Variants in STK32A observed in about 807,000 individuals in gnomAD.
STK32A encodes the protein serine/threonine kinase 32A.
STK32A carries 41 observed loss-of-function variants against 53.2 expected under a neutral mutation model. That is an observed-to-expected ratio of 0.77 (90% CI 0.60 to 1.00). STK32A has a LOEUF of 1.00. Among genes scored for constraint, STK32A ranks in the 50% least tolerant of loss-of-function variants. STK32A has a pLI of 0.00. For missense variants in STK32A, 458 were observed against 485.8 expected, an observed-to-expected ratio of 0.94 and a Z score of 0.54; for synonymous variants, 166 against 162.8, an observed-to-expected ratio of 1.02 and a Z score of -0.15.
At chr5:147,314,077 C>T (rs1472862885) in intron 4 of STK32A, among the ~76,000 whole-genome samples, 1 of 151,978 alleles carries the variant, frequency 6.6e-6, no homozygotes, top group South Asian at 2.1e-4. Context: ...AAATTGGACA[C>T]CATCAAAATT....
chr5:147,333,731 G>A (rs1754984957), intron 5 of STK32A, among the ~76,000 whole-genome samples: 1 of 151,988 alleles, frequency 6.6e-6, no homozygotes, highest in Non-Finnish European at 1.5e-5. Context: ...AATAAGCTGT[G>A]GGAAAAACTT....
chr5:147,376,813 G>A (rs1463298374), intron 11 of STK32A, among the ~76,000 whole-genome samples: 2 of 152,038 alleles, frequency 1.3e-5, no homozygotes, highest in Non-Finnish European at 2.9e-5. Flanking sequence ...TGTCATTTCT[G>A]TTGTTGAATT....
intron 5 of STK32A, among the ~76,000 whole-genome samples, chr5:147,331,342 A>G (rs899412003): frequency 6.6e-6 from 1 of 152,184 alleles, no homozygotes; most frequent in Non-Finnish European, 1.5e-5. Flanking sequence ...ATAATCAACA[A>G]TTCTCTGAGG....
chr5:147,381,842 G>A (rs989906746), intron 11 of STK32A, among the ~76,000 whole-genome samples: 6 of 152,028 alleles, frequency 3.9e-5, no homozygotes, highest in Admixed American at 3.9e-4. Context: ...TTTGCTTGAT[G>A]GTGTTCCATA....
Position 147,239,695 on chromosome 5 carries a change from T to A in STK32A, c.52+9T>A, listed in dbSNP as rs1753484010. 2.5e-6 allele frequency: 4 copies of A among 1,598,884 alleles called. No homozygotes were observed. Among genetic ancestry groups the A allele is most frequent in the Non-Finnish European group, 3.4e-6 (4 of 1,170,928 alleles). On this transcript the variant is annotated intron_variant, in intron 2 of 12. Coordinates refer to ENST00000397936, the MANE Select transcript of STK32A (RefSeq NM_001112724.2). ...TGATGAAAATGAAGATGGTAAGAAA[T>A]ATGGGATAGTGGCATATAAAAAATA...
At chr5:147,300,617 C>T (rs1425141720) in intron 4 of STK32A, among the ~76,000 whole-genome samples, 2 of 152,158 alleles carry the variant, frequency 1.3e-5, no homozygotes, top group Non-Finnish European at 2.9e-5. Context: ...TGGTTAATTG[C>T]CCTTTTTGCC....
chr5:147,258,523 C>T (rs1472321332), intron 2 of STK32A, among the ~76,000 whole-genome samples: 2 of 147,444 alleles, frequency 1.4e-5, no homozygotes, highest in East Asian at 3.9e-4. Flanking sequence ...ACATAAATTC[C>T]CTTTTAAAAC....
chr5:147,291,931 T>C (rs1288754573), intron 4 of STK32A, among the ~76,000 whole-genome samples: 1 of 152,208 alleles, frequency 6.6e-6, no homozygotes, highest in East Asian at 1.9e-4. Flanking sequence ...ATTTTTAAGT[T>C]GGCTTTGCTG....
chr5:147,353,606 A>G (rs1756086654), intron 7 of STK32A, among the ~76,000 whole-genome samples: 1 of 152,080 alleles, frequency 6.6e-6, no homozygotes, highest in Non-Finnish European at 1.5e-5. Flanking sequence ...CTAAAAATAC[A>G]AAAATTAGCT....
intron 6 of STK32A, among the ~76,000 whole-genome samples, chr5:147,348,270 A>G (rs1455421048): frequency 2.6e-5 from 4 of 152,222 alleles, no homozygotes; most frequent in African/African-American, 9.7e-5. Context: ...TAAAAGGAAA[A>G]TACTCAACAT....
At chr5:147,255,863 A>G (rs940256857) in intron 2 of STK32A, among the ~76,000 whole-genome samples, 5 of 152,148 alleles carry the variant, frequency 3.3e-5, no homozygotes, top group Admixed American at 6.5e-5. Flanking sequence ...TCCTGCGGCT[A>G]TTTGATTTTG....
At chr5:147,381,687 G>T (rs1354344085) in intron 11 of STK32A, among the ~76,000 whole-genome samples, 1 of 151,800 alleles carries the variant, frequency 6.6e-6, no homozygotes, top group Non-Finnish European at 1.5e-5. Context: ...TGTCAATGTG[G>T]GTCTTTTTGA....
chr5:147,250,415 C>T (rs961465905), intron 2 of STK32A, among the ~76,000 whole-genome samples: 5 of 152,108 alleles, frequency 3.3e-5, no homozygotes, highest in Non-Finnish European at 5.9e-5. Flanking sequence ...AGAAACAAGG[C>T]AGTGGATAGC....
intron 2 of STK32A, among the ~76,000 whole-genome samples, chr5:147,254,203 A>G (rs1429598340): frequency 6.6e-6 from 1 of 152,176 alleles, no homozygotes; most frequent in East Asian, 1.9e-4. Flanking sequence ...AATAAATTTC[A>G]CAGTCTGACA....
chr5:147,373,439 C>A (rs1757093822), intron 10 of STK32A, 145 bp downstream of exon 10: 1 of 1,166,882 alleles, frequency 8.6e-7, no homozygotes, highest in Admixed American at 2.5e-5. Flanking sequence ...AGAATTGAGA[C>A]ATGCACAGGG....
intron 11 of STK32A, 26 bp downstream of exon 11, chr5:147,375,244 G>A: frequency 6.2e-7 from 1 of 1,605,558 alleles, no homozygotes; most frequent in Non-Finnish European, 8.5e-7. Context: ...CCAAACTCAG[G>A]GTCATGGGTA....
chr5:147,273,251 G>C (rs759207368), intron 2 of STK32A, among the ~76,000 whole-genome samples: 27 of 152,206 alleles, frequency 1.8e-4, no homozygotes, highest in Admixed American at 7.9e-4. Context: ...CATGGTTTAT[G>C]CTAAGGGAAA....
chr5:147,299,963 A>G (rs926587872), intron 4 of STK32A, among the ~76,000 whole-genome samples: 4 of 152,090 alleles, frequency 2.6e-5, no homozygotes, highest in African/African-American at 9.7e-5. Context: ...CACATTTTGC[A>G]TAGTTCATAT....
chr5:147,397,972 C>T, the STK32A span: 1 of 900,210 alleles, frequency 1.1e-6, no homozygotes, highest in East Asian at 2.8e-5. Context: ...GCTCACCATG[C>T]ATCTGCAAGC....
Sources: gnomAD v4.1 joint callset for allele counts (sites outside exome capture counted in the v4.1 genomes callset) on GRCh38, gnomAD v4.1.1 for gene constraint, MANE v1.5 for transcripts, NCBI Gene and HGNC (gene_info 2026-07-23, HGNC 2026-07-21) for gene names.